The following ANKFN1 variants were observed in gnomAD, a reference collection of about 807,000 sequenced individuals.
ANKFN1 encodes ankyrin repeat and fibronectin type III domain containing 1.
In ANKFN1, 74 loss-of-function variants were observed where a neutral mutation model predicts 108.7. The observed-to-expected ratio is 0.68, with a 90% CI of 0.56 to 0.83. ANKFN1 has a LOEUF of 0.83. ANKFN1 is among the 40% of genes least tolerant of loss of function. ANKFN1 has a pLI of 0.00. For synonymous variants in ANKFN1, 547 were observed against 516.2 expected (o/e 1.06, Z -0.81); for missense variants, 1,505 against 1,382.3 (o/e 1.09, Z -1.41).
chr17:56,064,428 T>G (rs1254802747), intron 4 of ANKFN1, among the ~76,000 whole-genome samples: 1 of 152,176 alleles, frequency 6.6e-6, no homozygotes, highest in African/African-American at 2.4e-5. Flanking sequence ...AGCCTCTGGC[T>G]GGAGTTATCG....
intron 8 of ANKFN1, among the ~76,000 whole-genome samples, chr17:56,404,817 G>A (rs62072860): frequency 0.042 from 6,396 of 152,268 alleles, 187 homozygotes; most frequent in Non-Finnish European, 0.063. Context: ...TAGGGCTGAA[G>A]GCTGTTGTTC....
chr17:56,095,245 CAG>C (rs1285463773), intron 4 of ANKFN1, among the ~76,000 whole-genome samples: 1 of 150,608 alleles, frequency 6.6e-6, no homozygotes, highest in Non-Finnish European at 1.5e-5. Context: ...TGACTAACAT[CAG>C]GATAAGTTCA....
intron 2 of ANKFN1, among the ~76,000 whole-genome samples, chr17:56,213,407 C>G (rs1304840177): frequency 6.6e-6 from 1 of 152,148 alleles, no homozygotes; most frequent in African/African-American, 2.4e-5. Context: ...TTTTCACAGT[C>G]TAGTAAGACA....
In ANKFN1 at chr17:56,246,825, G is replaced by A. The variant is rs149922549; in HGVS notation, c.53+18868G>A. Among the ~76,000 whole-genome samples the A allele has an allele frequency of 2.1e-3, 324 of 152,142 alleles. 2 individuals carry two copies. The highest frequency in any genetic ancestry group is 7.7e-3 in the African/African-American group (319 of 41,526). Reference sequence around the variant, plus strand: ...TCTGGTACGTGAATGTTAAAGGGTAGACATACATGTTGTAGGGGAGTTTCT... The same window carrying A: ...TCTGGTACGTGAATGTTAAAGGGTAAACATACATGTTGTAGGGGAGTTTCT... On this transcript the variant is annotated intron_variant, in intron 3 of 20. Transcript: ENST00000682825.
intron 1 of ANKFN1, among the ~76,000 whole-genome samples, chr17:56,188,573 G>GTATA (rs1388598734): frequency 2.1e-5 from 2 of 95,480 alleles, no homozygotes; most frequent in Non-Finnish European, 3.9e-5. Context: ...ATGTGTGTGT[G>GTATA]TGTGTGTGTA....
chr17:56,086,295 C>T (rs1464822287), intron 4 of ANKFN1, among the ~76,000 whole-genome samples: 2 of 150,942 alleles, frequency 1.3e-5, no homozygotes, highest in African/African-American at 4.9e-5. Context: ...ATTCCAGCTA[C>T]TCAGGAGACT....
chr17:56,064,132 C>T (rs998704621), intron 4 of ANKFN1, among the ~76,000 whole-genome samples: 1 of 152,172 alleles, frequency 6.6e-6, no homozygotes, highest in African/African-American at 2.4e-5. Flanking sequence ...CTTCTGGGAT[C>T]TCTGACCAAC....
intron 11 of ANKFN1, among the ~76,000 whole-genome samples, chr17:56,451,602 G>A (rs116661887): frequency 0.023 from 3,507 of 152,164 alleles, 132 homozygotes; most frequent in African/African-American, 0.08. Context: ...GTGTATTATT[G>A]GGAAGAGGAT....
At chr17:56,434,378 CAAAAA>C (rs58017155) in intron 8 of ANKFN1, among the ~76,000 whole-genome samples, 15 of 127,374 alleles carry the variant, frequency 1.2e-4, no homozygotes, top group South Asian at 2.5e-4. Flanking sequence ...TTTCTAGTGT[CAAAAA>C]AAAAAAAAAA....
chr17:56,075,980 G>A (rs1010680227), intron 4 of ANKFN1, among the ~76,000 whole-genome samples: 2 of 152,154 alleles, frequency 1.3e-5, no homozygotes, highest in Non-Finnish European at 2.9e-5. Context: ...GGTTCTCAAA[G>A]ACAGACTAAC....
intron 1 of ANKFN1, among the ~76,000 whole-genome samples, chr17:56,170,228 G>T (rs756982642): frequency 1.3e-5 from 2 of 152,168 alleles, no homozygotes; most frequent in Non-Finnish European, 2.9e-5. Flanking sequence ...AGCTCCTACT[G>T]TATTCCTCCT....
intron 8 of ANKFN1, among the ~76,000 whole-genome samples, chr17:56,431,453 G>A (rs2048752156): frequency 6.6e-6 from 1 of 152,156 alleles, no homozygotes; most frequent in Non-Finnish European, 1.5e-5. Context: ...TAAATGCTCA[G>A]CAAAGGTATC....
intron 11 of ANKFN1, among the ~76,000 whole-genome samples, chr17:56,456,401 CT>C (rs397713657): frequency 0.014 from 1,614 of 115,448 alleles, 29 homozygotes; most frequent in African/African-American, 0.05. Context: ...CTTTTTTTCT[CT>C]TTTTTTTTTT....
chr17:56,399,550 G>T (rs1223166110), intron 8 of ANKFN1, among the ~76,000 whole-genome samples: 13 of 151,774 alleles, frequency 8.6e-5, no homozygotes. Context: ...GTTCTTTAGT[G>T]ATTTGTGAGA....
chr17:56,492,701 G>T (rs972269868), intron 19 of ANKFN1, among the ~76,000 whole-genome samples: 2 of 152,072 alleles, frequency 1.3e-5, no homozygotes, highest in African/African-American at 4.8e-5. Context: ...AAGAAAAATT[G>T]TATTAATTAA....
In ANKFN1 at chr17:56,094,675, G is replaced by GTT. The variant is rs537728223; in HGVS notation, c.288+48367_288+48368dup. 1.7e-3 allele frequency among the ~76,000 whole-genome samples: 131 copies of GTT among 75,178 alleles called. 1 individual carries two copies. Among genetic ancestry groups the GTT allele is most frequent in the African/African-American group, 4.6e-3 (115 of 24,852 alleles). 49.3% of individuals were successfully genotyped at this position (75,178 alleles called of 152,430 possible). A position where few individuals can be genotyped will look rare whatever the true frequency, so the allele number is the denominator to read the frequency against. On this transcript the variant is annotated intron_variant, in intron 4 of 12. Coordinates refer to the ANKFN1 transcript ENST00000635860. ...CACACCACCACGCCCAGCTAATTGG[G>GTT]TTTTTTTTTTTTTTTTTTGTATTTT...
At chr17:56,245,220 C>A (rs530627081) in intron 3 of ANKFN1, among the ~76,000 whole-genome samples, 1 of 152,242 alleles carries the variant, frequency 6.6e-6, no homozygotes, top group East Asian at 1.9e-4. Context: ...GCACAGGAAT[C>A]AGTGGAGGAT....
At chr17:56,381,830 G>A (rs533053675) in intron 8 of ANKFN1, among the ~76,000 whole-genome samples, 97 of 152,258 alleles carry the variant, frequency 6.4e-4, no homozygotes, top group Middle Eastern at 3.4e-3. Flanking sequence ...TGAATGTGAC[G>A]GGGAGAATGG....
intron 4 of ANKFN1, among the ~76,000 whole-genome samples, chr17:56,050,818 A>G (rs1904761838): frequency 6.6e-6 from 1 of 152,122 alleles, no homozygotes; most frequent in Non-Finnish European, 1.5e-5. Flanking sequence ...GAAAATCTAG[A>G]AGAAATGGAT....
Sources: allele counts gnomAD v4.1 joint callset (sites outside exome capture counted in the v4.1 genomes callset), GRCh38; gene constraint gnomAD v4.1.1; transcripts MANE v1.5; gene names NCBI Gene and HGNC (gene_info 2026-07-23, HGNC 2026-07-21).